The following REG3A variants were observed in gnomAD, a reference collection of about 807,000 sequenced individuals.
The protein encoded by REG3A is regenerating family member 3 alpha, also known as regenerating islet-derived protein 3-alpha.
A neutral mutation model predicts 20.5 loss-of-function variants in REG3A; 15 were observed. The ratio of observed to expected loss-of-function variants is 0.73; its 90% confidence interval spans 0.49 to 1.12. REG3A has a LOEUF of 1.12. Ranked by LOEUF, REG3A falls within the 50% of genes most tolerant of loss-of-function variation. REG3A has a pLI of 0.00. For missense variants in REG3A, 224 were observed against 213.1 expected, an observed-to-expected ratio of 1.05 and a Z score of -0.32; for synonymous variants, 93 against 83.2, an observed-to-expected ratio of 1.12 and a Z score of -0.64.
Position 79,158,462 on chromosome 2 carries a change from A to G in REG3A, c.197T>C (p.Leu66Pro). The G allele has an allele frequency of 6.2e-7, 1 of 1,614,114 alleles. No homozygotes were observed. Among genetic ancestry groups the G allele is most frequent in the Non-Finnish European group, 8.5e-7 (1 of 1,179,962 alleles). Reference protein sequence around the residue: ...LSPKSWTDADLACQKRPSGNL... With the variant: ...LSPKSWTDADPACQKRPSGNL... ...TCCAGAGGGCCGCTTCTGGCAGGCC[A>G]GCTTTGAGGGCAACAAAGAGAATGA... The change falls in exon 4 of 6, where the codon CTG becomes CCG. Residue 66 changes from leucine to proline, a missense_variant and splice_region_variant. Physicochemically the swap from Leu to Pro is moderately conservative, Grantham distance 98. Transcript: ENST00000305165.
chr2:79,158,414 C>G lies in REG3A; in HGVS notation c.245G>C (p.Gly82Ala). 1 of 1,614,176 alleles carries G rather than the reference C, an allele frequency of 6.2e-7. No homozygotes were observed. Among genetic ancestry groups the G allele is most frequent in the Non-Finnish European group, 8.5e-7 (1 of 1,180,024 alleles). ...GGAGGACACGAAGGATCCCTCAGCC[C>G]CACTGAGCACAGACACCAGGTTTCC... is the stretch of plus-strand genomic sequence containing the variant. ...PSGNLVSVLS[G>A]AEGSFVSSLV... The change falls in exon 4 of 6, where the codon GGG becomes GCG. Residue 82 changes from glycine (G) to alanine (A), a missense_variant. Physicochemically the swap from Gly to Ala is moderately conservative, Grantham distance 60. Coordinates refer to ENST00000305165, the MANE Select transcript of REG3A (RefSeq NM_002580.3).
chr2:79,159,509 T>C, intron 1 of REG3A, 70 bp from the exon 2 acceptor site: 2 of 1,124,048 alleles, frequency 1.8e-6, no homozygotes, highest in Non-Finnish European at 2.7e-6. Context: ...CCTTCTCTAG[T>C]CCCCTAGGAC....
At chr2:79,157,440 G>T in intron 5 of REG3A, 132 bp downstream of exon 5, 2 of 1,450,048 alleles carry the variant, frequency 1.4e-6, no homozygotes, top group Non-Finnish European at 1.9e-6. Context: ...AAAGAAAGTG[G>T]AGAAGAGAGG....
At chr2:79,157,348 T>C (rs1673338237) in intron 5 of REG3A, 55 bp from the exon 6 acceptor site, 4 of 1,553,586 alleles carry the variant, frequency 2.6e-6, no homozygotes, top group Non-Finnish European at 3.6e-6. Flanking sequence ...GTGAATCCAA[T>C]GAAGGGGCAT....
intron 4 of REG3A, 35 bp downstream of exon 4, chr2:79,158,291 T>C: frequency 1.9e-6 from 3 of 1,603,580 alleles, no homozygotes; most frequent in Non-Finnish European, 2.6e-6. Context: ...AATAGCACCT[T>C]GAGAGGTAAC....
At chr2:79,158,196 C>A (rs1310766159) in intron 4 of REG3A, 130 bp downstream of exon 4, 16 of 1,117,460 alleles carry the variant, frequency 1.4e-5, no homozygotes, top group East Asian at 2.5e-5. Context: ...CCTTTCCCCC[C>A]AAATATTCCC....
intron 3 of REG3A, 51 bp from the exon 4 acceptor site, chr2:79,158,514 G>A (rs758104356): frequency 3.1e-6 from 5 of 1,611,124 alleles, no homozygotes; most frequent in Admixed American, 3.3e-5. Context: ...TGCTGAGGGA[G>A]GGCAGGGCAA....
chr2:79,158,519 G>C, intron 3 of REG3A, 56 bp from the exon 4 acceptor site: 1 of 1,610,420 alleles, frequency 6.2e-7, no homozygotes, highest in East Asian at 2.2e-5. Context: ...AGGGAGGGCA[G>C]GGCAAAGGTA....
intron 2 of REG3A, 47 bp from the exon 3 acceptor site, chr2:79,158,816 G>A (rs1572957795): frequency 1.3e-6 from 2 of 1,482,092 alleles, no homozygotes; most frequent in African/African-American, 1.4e-5. Flanking sequence ...AGTGGGGCTT[G>A]GGGTGGGAGA....
Position 79,158,639 on chromosome 2 carries a change from C to T in REG3A, c.195+12G>A. On this transcript the variant is annotated intron_variant, in intron 3 of 5. Coordinates refer to ENST00000305165, the MANE Select transcript of REG3A (RefSeq NM_002580.3). ...AGACCGGTCACCTCCAACACCACAT[C>T]TAACCACTCACATCTGCATCTGTCC... The T allele has an allele frequency of 6.2e-7, 1 of 1,613,828 alleles. No homozygotes were observed. Among genetic ancestry groups the T allele is most frequent in the Non-Finnish European group, 8.5e-7 (1 of 1,179,670 alleles).
At chr2:79,157,920 T>C (rs78465303) in intron 4 of REG3A, among the ~76,000 whole-genome samples, 13 of 152,290 alleles carry the variant, frequency 8.5e-5, no homozygotes, top group Non-Finnish European at 1.5e-4. Context: ...AGGTAATATA[T>C]TATTTGCAGA....
rs1673330447 is a variant in REG3A, at chr2:79,157,052, C to G, written c.*174G>C. The stretch of plus-strand genomic sequence containing the variant: ...CTCTTTAAAGCCTTAGGCCGTATGA[C>G]AAAATGAAGAGACTGAAATGACAGC... On this transcript the variant is annotated 3_prime_UTR_variant, in exon 6 of 6. Transcript: ENST00000305165. The G allele has an allele frequency of 1.6e-6, 1 of 627,070 alleles. No individual in the cohort carries two copies. The highest frequency in any genetic ancestry group is 2.0e-5 in the South Asian group (1 of 50,788). 38.8% of individuals were successfully genotyped at this position (627,070 alleles called of 1,614,324 possible).
In REG3A at chr2:79,157,576, G is replaced by A. The variant is rs749733854; in HGVS notation, c.456C>T (p.Ser152=). 25 of 1,614,000 alleles carry A rather than the reference G, an allele frequency of 1.5e-5. No homozygotes were observed. Among genetic ancestry groups the A allele is most frequent in the Non-Finnish European group, 2.1e-5 (25 of 1,179,918 alleles). ...SPGHCASLSR[S]TAFLRWKDYN... ...GGCAGCTCCTCTGTTTCTTACCTGT[G>A]CTTCTCGACAGGCTCGCACAGTGGC... Residue 152 remains serine (S), a synonymous_variant, in exon 5 of 6, where the codon AGC becomes AGT. Transcript: ENST00000305165.
chr2:79,157,427 T>G, intron 5 of REG3A, 134 bp from the exon 6 acceptor site: 1 of 1,455,696 alleles, frequency 6.9e-7, no homozygotes, highest in Non-Finnish European at 9.5e-7. Flanking sequence ...AGGAGAGAGA[T>G]TCAAAGAAAG....
In REG3A at chr2:79,157,217, C is replaced by T. The variant is rs780358188; in HGVS notation, c.*9G>A. 3 of 1,611,932 alleles carry T rather than the reference C, an allele frequency of 1.9e-6. No homozygotes were observed. The highest frequency in any genetic ancestry group is 4.5e-5 in the East Asian group (2 of 44,866). ...ACACCAAACACAGGCTGCTGACTTC[C>T]CTCCTGCACTAGTCAGTGAACTTGC... is the stretch of plus-strand genomic sequence containing the variant. On this transcript the variant is annotated 3_prime_UTR_variant, in exon 6 of 6. Transcript: ENST00000305165.
chr2:79,158,748 A>G lies in REG3A; in HGVS notation c.98T>C (p.Leu33Pro). The G allele has an allele frequency of 6.2e-7, 1 of 1,613,866 alleles. No individual in the cohort carries two copies. The highest frequency in any genetic ancestry group is 8.5e-7 in the Non-Finnish European group (1 of 1,179,900). The change falls in exon 3 of 6, where the codon CTG (leucine) becomes CCG (proline). Residue 33 changes from leucine to proline, a missense_variant. Leu to Pro is a moderately conservative substitution (Grantham distance 98). Transcript: ENST00000305165. ...GGGACAGCGGATCCGTGCAGAGGGC[A>G]GTTCCCTCTGGGGTTCTTCACCTGA... Reference protein sequence around the residue: ...QVQGEEPQRELPSARIRCPKG... With the variant: ...QVQGEEPQREPPSARIRCPKG...
At position 79,157,160 on chromosome 2, in the gene REG3A, C is replaced by A. The variant is rs1558557437; in HGVS notation, c.*66G>T. 6.3e-6 allele frequency: 8 copies of A among 1,269,892 alleles called. No homozygotes were observed. The South Asian group carries it at 9.5e-5, about 15-fold the overall frequency. The allele number at this position is 1,269,892 out of a possible 1,614,324, so 78.7% of individuals were successfully genotyped here. A position where few individuals can be genotyped will look rare whatever the true frequency, so the allele number is the denominator to read the frequency against. Reference sequence around the variant, plus strand: ...CGAATATTCTCTTCCAGGGTGAGTCCTCACACTGGTCTCATGCCCATGATG... The same window carrying A: ...CGAATATTCTCTTCCAGGGTGAGTCATCACACTGGTCTCATGCCCATGATG... On this transcript the variant is annotated 3_prime_UTR_variant, in exon 6 of 6. Transcript: ENST00000305165.
At chr2:79,159,595 G>T (rs536822428) in intron 1 of REG3A, 133 bp downstream of exon 1, 1 of 607,012 alleles carries the variant, frequency 1.6e-6, no homozygotes, top group Non-Finnish European at 2.9e-6. Flanking sequence ...TCCCATCCCC[G>T]AGCCCTCCCA....
rs143469095 is a variant in REG3A at position 79,159,607 on chromosome 2, G to A, written c.-35+121C>T. 8.4e-4 allele frequency: 491 copies of A among 582,274 alleles called. 4 individuals are homozygous for A. In the East Asian group the frequency reaches 0.014, roughly 16 times the overall value. The allele number at this position is 582,274 out of a possible 1,614,324, so 36.1% of individuals were successfully genotyped here. On this transcript the variant is annotated intron_variant, in intron 1 of 5. Coordinates refer to ENST00000305165, the MANE Select transcript of REG3A (RefSeq NM_002580.3). ...CTCTCCCATCCCCGAGCCCTCCCAG[G>A]ACACCCTTGCTGAGTCTCAGAGTTC...
Sources: allele counts gnomAD v4.1 joint callset (sites outside exome capture counted in the v4.1 genomes callset), GRCh38; gene constraint gnomAD v4.1.1; transcripts MANE v1.5; gene names NCBI Gene and HGNC (gene_info 2026-07-23, HGNC 2026-07-21).